ZNF623: variants seen among roughly 807,000 people sequenced by gnomAD.
ZNF623 encodes the protein zinc finger protein 623.
In ZNF623, 16 loss-of-function variants were observed where a neutral mutation model predicts 24.0. That is an observed-to-expected ratio of 0.67 (90% confidence interval 0.45 to 1.01). The LOEUF (loss-of-function observed/expected upper bound fraction) is 1.01, where lower values mean the gene tolerates loss of function less well. Ranked by LOEUF, ZNF623 falls within the 50% of genes least tolerant of loss-of-function variation. The pLI is 0.00. For missense variants in ZNF623, 566 were observed against 606.5 expected (o/e 0.93, Z 0.70); for synonymous variants, 224 against 219.8 (o/e 1.02, Z -0.17).
At chr8:143,638,883 C>G (rs1026693914) in intron 1 of ZNF623, among the ~76,000 whole-genome samples, 1 of 150,806 alleles carries the variant, frequency 6.6e-6, no homozygotes, top group Non-Finnish European at 1.5e-5. Flanking sequence ...ACATCTCCAC[C>G]CCACCGTTCT....
chr8:143,647,076 C>CAAGT (rs750625103), intron 1 of ZNF623, among the ~76,000 whole-genome samples: 1 of 152,038 alleles, frequency 6.6e-6, no homozygotes, highest in Non-Finnish European at 1.5e-5. Context: ...TATGATTGGT[C>CAAGT]AAGTGGTCAG....
intron 1 of ZNF623, among the ~76,000 whole-genome samples, chr8:143,649,285 A>C (rs1053268806): frequency 7.5e-5 from 11 of 147,344 alleles, no homozygotes; most frequent in South Asian, 2.1e-4. Context: ...CTAAAAAAAA[A>C]AAAAACAAAA....
In ZNF623 at chr8:143,653,662, G is replaced by A. The variant is rs1815390208; in HGVS notation, c.*2179G>A. ...CTTGGTTTAGAGCCTCATACAAATGGATTCATTTACTATGTGTTCTTTTGC... is the reference window on the plus strand; with the variant it reads ...CTTGGTTTAGAGCCTCATACAAATGAATTCATTTACTATGTGTTCTTTTGC... On this transcript the variant is annotated 3_prime_UTR_variant, in exon 2 of 2. Transcript: ENST00000526926. 2 of 167,022 alleles carry A rather than the reference G, an allele frequency of 1.2e-5. No individual in the cohort carries two copies. The highest frequency in any genetic ancestry group is 4.8e-5 in the African/African-American group (2 of 41,414). The allele number at this position is 167,022 out of a possible 1,614,324, so 10.3% of individuals were successfully genotyped here. A position where few individuals can be genotyped will look rare whatever the true frequency, so the allele number is the denominator to read the frequency against.
intron 1 of ZNF623, among the ~76,000 whole-genome samples, chr8:143,637,045 T>C (rs1283751643): frequency 1.3e-5 from 2 of 152,224 alleles, no homozygotes; most frequent in African/African-American, 2.4e-5. Context: ...GTCGTTGTCC[T>C]TGGGCAGAGC....
rs1011183364 is a variant in ZNF623 at position 143,650,739 on chromosome 8, A to G, written c.747A>G (p.Lys249=). ...IRHYQIHTEV[K]QYECKECGKA... is the part of the protein sequence containing the mutation. Reference sequence around the variant, plus strand: ...ATTATCAGATCCACACAGAAGTGAAACAGTATGAATGCAAAGAATGTGGGA... The same window carrying G: ...ATTATCAGATCCACACAGAAGTGAAGCAGTATGAATGCAAAGAATGTGGGA... The change falls in exon 2 of 2, where the codon AAA becomes AAG. Residue 249 remains lysine (K), a synonymous_variant. Coordinates refer to ENST00000526926, the MANE Select transcript of ZNF623 (RefSeq NM_001261843.2). The surrounding 1 kb of genome is among the most constrained non-coding windows in gnomAD (Gnocchi z 5.2). 1 of 1,614,110 alleles carries G rather than the reference A, an allele frequency of 6.2e-7. No homozygotes were observed. The highest frequency in any genetic ancestry group is 1.3e-5 in the African/African-American group (1 of 75,006).
rs1414634668 is a variant in ZNF623 at position 143,649,972 on chromosome 8, A to G, written c.-21A>G. 1 of 1,614,212 alleles carries G rather than the reference A, an allele frequency of 6.2e-7. No homozygotes were observed. The highest frequency in any genetic ancestry group is 8.5e-7 in the Non-Finnish European group (1 of 1,180,024). On this transcript the variant is annotated 5_prime_UTR_variant, in exon 2 of 2. Transcript: ENST00000526926. ...TGAGGATGAAAACTCACATAGGACG[A>G]CGTCAGACAGACTCACGGTGATGGA...
At chr8:143,643,336 G>A (rs921162860) in intron 1 of ZNF623, among the ~76,000 whole-genome samples, 1 of 152,180 alleles carries the variant, frequency 6.6e-6, no homozygotes. Flanking sequence ...CAGCTGGCCT[G>A]GCCTGGATGT....
chr8:143,638,437 C>T (rs1045737917), intron 1 of ZNF623, among the ~76,000 whole-genome samples: 1 of 150,992 alleles, frequency 6.6e-6, no homozygotes, highest in South Asian at 2.1e-4. Context: ...TAAACAGAAA[C>T]ACCCTGTTTC....
chr8:143,647,177 T>C lies in ZNF623; in HGVS notation c.-95-2721T>C, dbSNP rs367986075. Among the ~76,000 whole-genome samples the C allele has an allele frequency of 2.0e-4, 30 of 152,082 alleles. 1 individual carries two copies. The highest frequency in any genetic ancestry group is 6.8e-4 in the African/African-American group (28 of 41,478). On this transcript the variant is annotated intron_variant, in intron 1 of 1. Coordinates refer to ENST00000526926, the MANE Select transcript of ZNF623 (RefSeq NM_001261843.2). ...TTTTTTTTTTGTTTTGTTTCGTTTTTTGAGACGGCGTCTTGCTCTGTCACT... is the reference window on the plus strand; with the variant it reads ...TTTTTTTTTTGTTTTGTTTCGTTTTCTGAGACGGCGTCTTGCTCTGTCACT...
intron 1 of ZNF623, among the ~76,000 whole-genome samples, chr8:143,637,056 C>T (rs1314683900): frequency 6.6e-6 from 1 of 152,186 alleles, no homozygotes; most frequent in Non-Finnish European, 1.5e-5. Flanking sequence ...TGGGCAGAGC[C>T]CTGAGCAGCA....
chr8:143,647,899 T>C (rs181667644), intron 1 of ZNF623, among the ~76,000 whole-genome samples: 3 of 152,262 alleles, frequency 2.0e-5, no homozygotes, highest in Non-Finnish European at 4.4e-5. Context: ...GGCATGGTTT[T>C]GAACAGATGT....
chr8:143,650,258 GC>G lies in ZNF623; in HGVS notation c.267del (p.Thr91ProfsTer8). The G allele has an allele frequency of 6.2e-7, 1 of 1,614,224 alleles. No homozygotes were observed. Among genetic ancestry groups the G allele is most frequent in the Non-Finnish European group, 8.5e-7 (1 of 1,180,040 alleles). On this transcript the variant is annotated frameshift_variant, in exon 2 of 2. Coordinates refer to ENST00000526926, the MANE Select transcript of ZNF623 (RefSeq NM_001261843.2). LOFTEE classifies it low-confidence loss of function (END_TRUNC). This position sits in a 1 kb window ranked among gnomAD's most constrained non-coding sequence, Gnocchi z 5.2. The stretch of plus-strand genomic sequence containing the variant: ...GAAGCCAATCCTTGCGATATCTGTG[GC>G]AAAACCTTCACGTTTAATTCGGACC... ...EGEANPCDIC[G>X]KTFTFNSDLV...
intron 1 of ZNF623, among the ~76,000 whole-genome samples, chr8:143,642,758 A>G (rs1352774946): frequency 6.6e-6 from 1 of 152,172 alleles, no homozygotes; most frequent in Non-Finnish European, 1.5e-5. Flanking sequence ...ACACACATTG[A>G]TAATTCAGCT....
chr8:143,650,994 CTA>C lies in ZNF623; in HGVS notation c.1004_1005del (p.Tyr335Ter). The C allele has an allele frequency of 6.2e-7, 1 of 1,613,896 alleles. No individual in the cohort carries two copies. Among genetic ancestry groups the C allele is most frequent in the Non-Finnish European group, 8.5e-7 (1 of 1,179,962 alleles). On this transcript the variant is annotated frameshift_variant, in exon 2 of 2. Coordinates refer to ENST00000526926, the MANE Select transcript of ZNF623 (RefSeq NM_001261843.2). LOFTEE classifies it high-confidence loss of function. This position sits in a 1 kb window ranked among gnomAD's most constrained non-coding sequence, Gnocchi z 5.2. The stretch of plus-strand genomic sequence containing the variant: ...AGAGAATTCACACTGGAGAGAAACT[CTA>C]TGAATGTAACGAGTGTGGGAAAGCT... Reference protein sequence around the residue: ...HQRIHTGEKLYECNECGKAFF... With the variant: ...HQRIHTGEKLXECNECGKAFF...
chr8:143,650,256 T>TGGCAAAACCTTCAC lies in ZNF623; in HGVS notation c.266_279dup (p.Phe94AlafsTer10). On this transcript the variant is annotated frameshift_variant, in exon 2 of 2. Transcript: ENST00000526926. LOFTEE classifies it low-confidence loss of function (END_TRUNC). The surrounding 1 kb of genome is among the most constrained non-coding windows in gnomAD (Gnocchi z 5.2). Reference sequence around the variant, plus strand: ...GGGAAGCCAATCCTTGCGATATCTGTGGCAAAACCTTCACGTTTAATTCGG... The same window carrying TGGCAAAACCTTCAC: ...GGGAAGCCAATCCTTGCGATATCTGTGGCAAAACCTTCACGGCAAAACCTTCACGTTTAATTCGG... 6.2e-7 allele frequency: 1 copy of TGGCAAAACCTTCAC among 1,614,246 alleles called. No homozygotes were observed. Among genetic ancestry groups the TGGCAAAACCTTCAC allele is most frequent in the Admixed American group, 1.7e-5 (1 of 60,026 alleles).
chr8:143,650,003 C>G lies in ZNF623; in HGVS notation c.11C>G (p.Pro4Arg). The G allele has an allele frequency of 6.2e-7, 1 of 1,614,150 alleles. No individual in the cohort carries two copies. Among genetic ancestry groups the G allele is most frequent in the South Asian group, 1.1e-5 (1 of 91,080 alleles). The change falls in exon 2 of 2, where the codon CCC (proline) becomes CGC (arginine). Residue 4 changes from proline to arginine, a missense_variant. Transcript: ENST00000526926. This position sits in a 1 kb window ranked among gnomAD's most constrained non-coding sequence, Gnocchi z 5.2. The part of the protein sequence containing the change: MEL[P>R]SPESEEVHEP... ...GACAGACTCACGGTGATGGAGCTCC[C>G]CTCTCCCGAGTCTGAGGAAGTCCAC...
rs1815276294 is a variant in ZNF623 at position 143,650,514 on chromosome 8, G to A, written c.522G>A (p.Lys174=). ...EKPFKCAQCG[K]AFCHSSDLIR... ...CCTTCAAATGTGCGCAGTGTGGGAA[G>A]GCGTTTTGTCACAGTTCAGACCTGA... The change falls in exon 2 of 2, where the codon AAG becomes AAA. Residue 174 remains lysine (K), a synonymous_variant. Coordinates refer to ENST00000526926, the MANE Select transcript of ZNF623 (RefSeq NM_001261843.2). The surrounding 1 kb of genome is among the most constrained non-coding windows in gnomAD (Gnocchi z 5.2). The A allele has an allele frequency of 6.2e-7, 1 of 1,614,028 alleles. No homozygotes were observed. The highest frequency in any genetic ancestry group is 1.3e-5 in the African/African-American group (1 of 74,888).
chr8:143,649,725 G>A, intron 1 of ZNF623, 173 bp from the exon 2 acceptor site: 5 of 732,138 alleles, frequency 6.8e-6, no homozygotes, highest in Non-Finnish European at 1.1e-5. Flanking sequence ...GCCATCTTAT[G>A]TGGGACAGGC....
intron 1 of ZNF623, among the ~76,000 whole-genome samples, chr8:143,642,480 C>T (rs978068542): frequency 2.0e-5 from 3 of 152,158 alleles, no homozygotes; most frequent in Non-Finnish European, 4.4e-5. Context: ...GTTTAATTTC[C>T]TTCTGGGGCT....
Sources: allele counts gnomAD v4.1 joint callset (sites outside exome capture counted in the v4.1 genomes callset), GRCh38; gene constraint gnomAD v4.1.1; non-coding constraint Gnocchi (gnomAD v3.1); transcripts MANE v1.5; gene names NCBI Gene and HGNC (gene_info 2026-07-23, HGNC 2026-07-21).